ZMYND10: variants seen among roughly 807,000 people sequenced by gnomAD.
ZMYND10 encodes zinc finger MYND domain-containing protein 10.
Under a neutral mutation model 62.6 loss-of-function variants are expected in ZMYND10, and 52 were observed. The ratio of observed to expected loss-of-function variants is 0.83; its 90% CI spans 0.67 to 1.05. The LOEUF (loss-of-function observed/expected upper bound fraction) is 1.05. ZMYND10 is among the 50% of genes least tolerant of loss of function. The pLI is 0.00. For synonymous variants in ZMYND10, 197 were observed against 218.5 expected, an observed-to-expected ratio of 0.90 and a Z score of 0.87; for missense variants, 438 against 543.3, an observed-to-expected ratio of 0.81 and a Z score of 1.93.
Position 50,342,485 on chromosome 3 carries a change from A to G in ZMYND10, c.785T>C (p.Val262Ala). 1 of 1,614,000 alleles carries G rather than the reference A, an allele frequency of 6.2e-7. No individual in the cohort carries two copies. Among genetic ancestry groups the G allele is most frequent in the South Asian group, 1.1e-5 (1 of 91,052 alleles). ...QQKLSKLDGQ[V>A]WIALYNLLLS... Reference sequence around the variant, plus strand: ...CAGCAGGTTGTACAGGGCGATCCACACTTGCCCGTCCAACTTGCTCAGCTT... The same window carrying G: ...CAGCAGGTTGTACAGGGCGATCCACGCTTGCCCGTCCAACTTGCTCAGCTT... The change falls in exon 8 of 12, where the codon GTG (valine) becomes GCG (alanine). Residue 262 changes from valine (V) to alanine (A), a missense_variant. By Grantham distance (64) the Val-to-Ala change is moderately conservative. Transcript: ENST00000231749.
rs1187275705 is a variant in ZMYND10 at position 50,341,304 on chromosome 3, G to A, written c.*106C>T. 1.2e-5 allele frequency: 16 copies of A among 1,389,044 alleles called. No homozygotes were observed. In the East Asian group the frequency reaches 2.1e-4, roughly 18 times the overall value. 86.0% of individuals were successfully genotyped at this position (1,389,044 alleles called of 1,614,324 possible). A position where few individuals can be genotyped will look rare whatever the true frequency, so the allele number is the denominator to read the frequency against. Reference sequence around the variant, plus strand: ...TACCGCCCGCTCTGCTCTCCACTGCGGAGACTGGGGCTCCGGCAGAGGCTG... The same window carrying A: ...TACCGCCCGCTCTGCTCTCCACTGCAGAGACTGGGGCTCCGGCAGAGGCTG... On this transcript the variant is annotated 3_prime_UTR_variant, in exon 12 of 12. Transcript: ENST00000231749.
At chr3:50,343,469 T>C in intron 4 of ZMYND10, 25 bp from the exon 5 acceptor site, 2 of 1,612,628 alleles carry the variant, frequency 1.2e-6, no homozygotes, top group Non-Finnish European at 1.7e-6. Flanking sequence ...AGGGAAACTT[T>C]CTGTGTCTGA....
chr3:50,344,081 C>G, intron 2 of ZMYND10: 1 of 539,810 alleles, frequency 1.9e-6, no homozygotes, highest in Non-Finnish European at 3.3e-6. Flanking sequence ...TGGCTCCTGC[C>G]CAGTTCCCAG....
rs201267348 is a variant in ZMYND10 at position 50,343,800 on chromosome 3, C to G, written c.252G>C (p.Lys84Asn). The change falls in exon 3 of 12, where the codon AAG becomes AAC. Residue 84 changes from lysine to asparagine, a missense_variant. Lys to Asn is a moderately conservative substitution (Grantham distance 94). Coordinates refer to ENST00000231749, the MANE Select transcript of ZMYND10 (RefSeq NM_015896.4). ...ELIAVEMWKQ[K>N]VFPVFCRVED... Reference sequence around the variant, plus strand: ...CCACCCTGCAGAACACAGGGAACACCTTCTGCTTCCACATCTCCACTGCGA... The same window carrying G: ...CCACCCTGCAGAACACAGGGAACACGTTCTGCTTCCACATCTCCACTGCGA... 45 of 1,614,088 alleles carry G rather than the reference C, an allele frequency of 2.8e-5. No individual in the cohort carries two copies. Among genetic ancestry groups the G allele is most frequent in the Non-Finnish European group, 3.1e-5 (36 of 1,180,024 alleles).
In ZMYND10 at chr3:50,345,061, CG is replaced by C; in HGVS notation, c.201+62del. ...GAGGGGAAGGGCACACAGGGGACTC[CG>C]GAGGGGTAGAGTAGGTGAGGTATGG... On this transcript the variant is annotated intron_variant, in intron 2 of 11. Transcript: ENST00000231749. This position sits in a 1 kb window ranked among gnomAD's most constrained non-coding sequence, Gnocchi z 5.0. 1 of 1,458,030 alleles carries C rather than the reference CG, an allele frequency of 6.9e-7. No individual in the cohort carries two copies. The highest frequency in any genetic ancestry group is 9.5e-7 in the Non-Finnish European group (1 of 1,050,456). The allele number at this position is 1,458,030 out of a possible 1,614,324, so 90.3% of individuals were successfully genotyped here. A position where few individuals can be genotyped will look rare whatever the true frequency, so the allele number is the denominator to read the frequency against.
chr3:50,341,326 G>C lies in ZMYND10; in HGVS notation c.*84C>G, dbSNP rs762227356. The stretch of plus-strand genomic sequence containing the variant: ...TGCGGAGACTGGGGCTCCGGCAGAG[G>C]CTGGACCGTGATCTTGAGGTTCAGG... On this transcript the variant is annotated 3_prime_UTR_variant, in exon 12 of 12. Transcript: ENST00000231749. The C allele has an allele frequency of 3.2e-6, 5 of 1,540,242 alleles. No individual in the cohort carries two copies. Among genetic ancestry groups the C allele is most frequent in the Non-Finnish European group, 3.6e-6 (4 of 1,125,918 alleles).
rs2109356957 is a variant in ZMYND10 at position 50,342,561 on chromosome 3, G to A, written c.709C>T (p.Gln237Ter). 3.1e-6 allele frequency: 5 copies of A among 1,612,580 alleles called. No homozygotes were observed. The highest frequency in any genetic ancestry group is 3.4e-6 in the Non-Finnish European group (4 of 1,178,812). The change falls in exon 8 of 12, where the codon CAG (glutamine) becomes TAG (stop). Residue 237 changes from glutamine to a stop codon, truncating the protein, a stop_gained. Coordinates refer to ENST00000231749, the MANE Select transcript of ZMYND10 (RefSeq NM_015896.4). LOFTEE classifies it high-confidence loss of function. ...PWSRREGGKL[Q>*]QFEGSRWHTV... ...TGCCAACGGCTGCCCTCGAACTGCTGCAGCTTGCCTGGGGAGAGGAACCAG... is the reference window on the plus strand; with the variant it reads ...TGCCAACGGCTGCCCTCGAACTGCTACAGCTTGCCTGGGGAGAGGAACCAG...
Position 50,345,726 on chromosome 3 carries a change from A to G in ZMYND10, c.-147T>C, listed in dbSNP as rs1703524829. On this transcript the variant is annotated 5_prime_UTR_variant, in exon 1 of 12. Coordinates refer to ENST00000231749, the MANE Select transcript of ZMYND10 (RefSeq NM_015896.4). This position sits in a 1 kb window ranked among gnomAD's most constrained non-coding sequence, Gnocchi z 5.0. ...AGCGTCAGTTCTCGCAGCCATGGAAACGGGTTAGCCGCGCCTGCGCAGTGC... is the reference window on the plus strand; with the variant it reads ...AGCGTCAGTTCTCGCAGCCATGGAAGCGGGTTAGCCGCGCCTGCGCAGTGC... 14 of 1,465,596 alleles carry G rather than the reference A, an allele frequency of 9.6e-6. No homozygotes were observed. In the East Asian group the frequency reaches 3.5e-4, roughly 37 times the overall value. 90.8% of individuals were successfully genotyped at this position (1,465,596 alleles called of 1,614,324 possible). A position where few individuals can be genotyped will look rare whatever the true frequency, so the allele number is the denominator to read the frequency against.
intron 7 of ZMYND10, 68 bp from the exon 8 acceptor site, chr3:50,342,637 C>T (rs1277582690): frequency 6.4e-7 from 1 of 1,553,292 alleles, no homozygotes; most frequent in East Asian, 2.3e-5. Flanking sequence ...GCTGTGGGGG[C>T]TGGGAGACTG....
Position 50,341,719 on chromosome 3 carries a change from G to A in ZMYND10, c.1122-20C>T, listed in dbSNP as rs756477661. 2 of 1,613,712 alleles carry A rather than the reference G, an allele frequency of 1.2e-6. No individual in the cohort carries two copies. The highest frequency in any genetic ancestry group is 1.3e-5 in the African/African-American group (1 of 74,944). On this transcript the variant is annotated intron_variant, in intron 10 of 11. Coordinates refer to ENST00000231749, the MANE Select transcript of ZMYND10 (RefSeq NM_015896.4). ...GCCCACCTGGGGGAAAGTCAGGAAG[G>A]TCTGACTGGCCCTGGAAGGTGGGGG...
In ZMYND10 at chr3:50,345,308, G is replaced by T; in HGVS notation, c.93-76C>A. ...GGGATGGGGGCTGGATCCTACTGAAGCCTAACCTGATCCTGAGGGGACACA... is the reference window on the plus strand; with the variant it reads ...GGGATGGGGGCTGGATCCTACTGAATCCTAACCTGATCCTGAGGGGACACA... On this transcript the variant is annotated intron_variant, in intron 1 of 11. Transcript: ENST00000231749. The surrounding 1 kb of genome is among the most constrained non-coding windows in gnomAD (Gnocchi z 5.0). The T allele has an allele frequency of 6.5e-7, 1 of 1,540,730 alleles. No individual in the cohort carries two copies. Among genetic ancestry groups the T allele is most frequent in the Non-Finnish European group, 8.8e-7 (1 of 1,130,302 alleles).
rs1352736044 is a variant in ZMYND10, at chr3:50,343,579, G to A, written c.356C>T (p.Thr119Ile). ...GTCCCTCACCTTGTGGAAGAACACT[G>A]TCTCCAAGAGGTTGATGATGGAGGC... ...HEASIINLLE[T>I]VFFHKEVCES... Residue 119 changes from threonine to isoleucine, a missense_variant, in exon 4 of 12, where the codon ACA (threonine) becomes ATA (isoleucine). Transcript: ENST00000231749. The A allele has an allele frequency of 2.5e-6, 4 of 1,614,186 alleles. No homozygotes were observed. The highest frequency in any genetic ancestry group is 1.7e-5 in the Admixed American group (1 of 60,034).
chr3:50,341,305 GA>G lies in ZMYND10; in HGVS notation c.*104del. ...ACCGCCCGCTCTGCTCTCCACTGCG[GA>G]GACTGGGGCTCCGGCAGAGGCTGGA... On this transcript the variant is annotated 3_prime_UTR_variant, in exon 12 of 12. Coordinates refer to ENST00000231749, the MANE Select transcript of ZMYND10 (RefSeq NM_015896.4). The G allele has an allele frequency of 7.1e-7, 1 of 1,408,236 alleles. No homozygotes were observed. The highest frequency in any genetic ancestry group is 9.8e-7 in the Non-Finnish European group (1 of 1,018,110). 87.2% of individuals were successfully genotyped at this position (1,408,236 alleles called of 1,614,324 possible).
In ZMYND10 at chr3:50,345,620, G is replaced by A; in HGVS notation, c.-41C>T. The A allele has an allele frequency of 1.9e-6, 3 of 1,551,314 alleles. No homozygotes were observed. Among genetic ancestry groups the A allele is most frequent in the Non-Finnish European group, 2.6e-6 (3 of 1,148,014 alleles). On this transcript the variant is annotated 5_prime_UTR_variant, in exon 1 of 12. Transcript: ENST00000231749. This position sits in a 1 kb window ranked among gnomAD's most constrained non-coding sequence, Gnocchi z 5.0. ...CGGCGGATCCTGGGCAGCAGCCGGG[G>A]TGGGGATGCTGTCACATTCGGGGAC...
chr3:50,345,297 AT>A lies in ZMYND10; in HGVS notation c.93-66del, dbSNP rs1703509086. 3 of 1,561,906 alleles carry A rather than the reference AT, an allele frequency of 1.9e-6. No individual in the cohort carries two copies. Among genetic ancestry groups the A allele is most frequent in the Admixed American group, 3.7e-5 (2 of 53,942 alleles). ...CATTAGGAGTGGGGATGGGGGCTGG[AT>A]CCTACTGAAGCCTAACCTGATCCTG... On this transcript the variant is annotated intron_variant, in intron 1 of 11. Transcript: ENST00000231749. The surrounding 1 kb of genome is among the most constrained non-coding windows in gnomAD (Gnocchi z 5.0).
chr3:50,342,073 A>G lies in ZMYND10; in HGVS notation c.941T>C (p.Leu314Pro), dbSNP rs1703397655. ...GGTTTCAGTTAGGGTCAGATGGGCC[A>G]GGAAACTCTGCAAGTGGGCCAGGTT... ...LPNLAHLQSFLAHLTLTETQP... is the reference protein window; with the variant it reads ...LPNLAHLQSFPAHLTLTETQP... The change falls in exon 9 of 12, where the codon CTG becomes CCG. Residue 314 changes from leucine (L) to proline (P), a missense_variant. By Grantham distance (98) the Leu-to-Pro change is moderately conservative (BLOSUM62 -3). Coordinates refer to ENST00000231749, the MANE Select transcript of ZMYND10 (RefSeq NM_015896.4). 2 of 1,613,858 alleles carry G rather than the reference A, an allele frequency of 1.2e-6. No homozygotes were observed. The highest frequency in any genetic ancestry group is 1.7e-5 in the Admixed American group (1 of 59,922).
rs1043418201 is a variant in ZMYND10, at chr3:50,342,836, G to A, written c.700+82C>T. Reference sequence around the variant, plus strand: ...GGGCTTGGGGACAGGGTTTGTCTTCGTGTGTGCAAGCTGCCCCCCTCTATC... The same window carrying A: ...GGGCTTGGGGACAGGGTTTGTCTTCATGTGTGCAAGCTGCCCCCCTCTATC... On this transcript the variant is annotated intron_variant, in intron 7 of 11. Coordinates refer to ENST00000231749, the MANE Select transcript of ZMYND10 (RefSeq NM_015896.4). 19 of 1,527,758 alleles carry A rather than the reference G, an allele frequency of 1.2e-5. No homozygotes were observed. The African/African-American group carries it at 1.8e-4, about 14-fold the overall frequency. The allele number at this position is 1,527,758 out of a possible 1,614,324, so 94.6% of individuals were successfully genotyped here.
Position 50,341,499 on chromosome 3 carries a change from G to T in ZMYND10, c.1248-14C>A. ...ACTTGGCACTCCCTGCAGGCAGGTGGGTATTGAGGATGGCAATGCATGTGG... is the reference window on the plus strand; with the variant it reads ...ACTTGGCACTCCCTGCAGGCAGGTGTGTATTGAGGATGGCAATGCATGTGG... On this transcript the variant is annotated splice_polypyrimidine_tract_variant and intron_variant, in intron 11 of 11. Transcript: ENST00000231749. 6.2e-7 allele frequency: 1 copy of T among 1,614,258 alleles called. No homozygotes were observed.
chr3:50,342,792 G>T, intron 7 of ZMYND10, 126 bp downstream of exon 7: 2 of 1,464,720 alleles, frequency 1.4e-6, no homozygotes, highest in Non-Finnish European at 1.8e-6. Context: ...CTTGGCTGAG[G>T]CATCCTGGTA....
Sources: gnomAD v4.1 joint callset for allele counts on GRCh38, gnomAD v4.1.1 for gene constraint, Gnocchi (gnomAD v3.1) non-coding constraint, MANE v1.5 for transcripts, NCBI Gene and HGNC (gene_info 2026-07-23, HGNC 2026-07-21) for gene names.